NIPAL3: variants seen among roughly 807,000 people sequenced by gnomAD.
NIPAL3 encodes the protein NIPA-like protein 3.
NIPAL3 carries 41 observed loss-of-function variants against 47.2 expected under a neutral mutation model. The observed-to-expected ratio is 0.87, with a 90% CI of 0.68 to 1.13. The LOEUF is 1.13. NIPAL3 is among the 50% of genes most tolerant of loss of function. The pLI is 0.00. For missense variants in NIPAL3, 449 were observed against 530.1 expected (o/e 0.85, Z 1.50); for synonymous variants, 194 against 209.6 (o/e 0.93, Z 0.64).
Position 24,449,664 on chromosome 1 carries a change from G to A in NIPAL3, c.540+38G>A, listed in dbSNP as rs537549952. On this transcript the variant is annotated intron_variant, in intron 6 of 11. Coordinates refer to ENST00000374399, the MANE Select transcript of NIPAL3 (RefSeq NM_020448.5). The surrounding 1 kb of genome is among the most constrained non-coding windows in gnomAD (Gnocchi z 4.5). ...TCCAGTCGTTCCCCCTGAGATGGCAGGAGGGAGATCAAGTCCTAGAAACCA... is the reference window on the plus strand; with the variant it reads ...TCCAGTCGTTCCCCCTGAGATGGCAAGAGGGAGATCAAGTCCTAGAAACCA... The A allele has an allele frequency of 1.3e-6, 2 of 1,593,916 alleles. No homozygotes were observed. Among genetic ancestry groups the A allele is most frequent in the East Asian group, 2.2e-5 (1 of 44,544 alleles).
chr1:24,440,084 G>T, intron 2 of NIPAL3, 88 bp from the exon 3 acceptor site: 1 of 806,010 alleles, frequency 1.2e-6, no homozygotes, highest in Non-Finnish European at 1.9e-6. Context: ...TTTTGTTTTG[G>T]GGCAGCAAAT....
At chr1:24,443,834 T>C (rs891074947) in intron 4 of NIPAL3, among the ~76,000 whole-genome samples, 1 of 152,152 alleles carries the variant, frequency 6.6e-6, no homozygotes, top group African/African-American at 2.4e-5. Flanking sequence ...TTTTCTATAT[T>C]TGTGTTCTGT....
In NIPAL3 at chr1:24,470,253, A is replaced by G. The variant is rs1437530547; in HGVS notation, c.*1068A>G. On this transcript the variant is annotated 3_prime_UTR_variant, in exon 12 of 12. Coordinates refer to ENST00000374399, the MANE Select transcript of NIPAL3 (RefSeq NM_020448.5). ...GGGCTGTTGCTTTCTTCCTGGCCGC[A>G]TATGTGACTGTCTTCCCCTAGACTG... is the stretch of plus-strand genomic sequence containing the variant. 3 of 152,208 alleles carry G rather than the reference A, an allele frequency of 2.0e-5. No homozygotes were observed. The highest frequency in any genetic ancestry group is 2.9e-5 in the Non-Finnish European group (2 of 68,052). The allele number at this position is 152,208 out of a possible 1,614,324, so 9.4% of individuals were successfully genotyped here.
chr1:24,440,052 G>A (rs72652566), intron 2 of NIPAL3, 120 bp from the exon 3 acceptor site: 14 of 577,314 alleles, frequency 2.4e-5, no homozygotes, highest in Non-Finnish European at 3.5e-5. Context: ...GTGTGGCTTT[G>A]TCACTGATAT....
chr1:24,462,992 A>C (rs1646542344), intron 10 of NIPAL3, among the ~76,000 whole-genome samples: 1 of 149,306 alleles, frequency 6.7e-6, no homozygotes, highest in South Asian at 2.1e-4. Context: ...CTAAAATACA[A>C]AATACTAAAA....
chr1:24,437,868 G>C (rs1259538679), intron 2 of NIPAL3, among the ~76,000 whole-genome samples: 1 of 152,130 alleles, frequency 6.6e-6, no homozygotes, highest in African/African-American at 2.4e-5. Flanking sequence ...AGCAAAATCA[G>C]GGTGTCGTTT....
At chr1:24,434,733 GT>G (rs1218788266) in intron 2 of NIPAL3, among the ~76,000 whole-genome samples, 1 of 152,136 alleles carries the variant, frequency 6.6e-6, no homozygotes, top group Non-Finnish European at 1.5e-5. Context: ...TACAAAGTAT[GT>G]TTTCTGATCA....
rs1646860926 is a variant in NIPAL3, at chr1:24,470,323, A to G, written c.*1138A>G. On this transcript the variant is annotated 3_prime_UTR_variant, in exon 12 of 12. Transcript: ENST00000374399. ...GGCGGATAAAGGTTTGCAAACTTTA[A>G]TGGGCATAAGGATCCCCTAGAAGCA... The G allele has an allele frequency of 1.3e-5, 2 of 152,212 alleles. No homozygotes were observed. The highest frequency in any genetic ancestry group is 2.9e-5 in the Non-Finnish European group (2 of 68,040). The allele number at this position is 152,212 out of a possible 1,614,324, so 9.4% of individuals were successfully genotyped here.
chr1:24,419,459 A>G lies in NIPAL3; in HGVS notation c.-89A>G. The G allele has an allele frequency of 6.9e-7, 1 of 1,441,254 alleles. No individual in the cohort carries two copies. Among genetic ancestry groups the G allele is most frequent in the South Asian group, 1.5e-5 (1 of 67,716 alleles). 89.3% of individuals were successfully genotyped at this position (1,441,254 alleles called of 1,614,324 possible). On this transcript the variant is annotated 5_prime_UTR_variant, in exon 2 of 12. Transcript: ENST00000374399. The stretch of plus-strand genomic sequence containing the variant: ...CGGCTGCTGGAGGGAGGTGAACACC[A>G]CAAGGAGAGATGGCATCTGGCCTGG...
chr1:24,443,967 G>C (rs2294523), intron 4 of NIPAL3, among the ~76,000 whole-genome samples: 87,752 of 151,716 alleles, frequency 0.58, 25,678 homozygotes, highest in East Asian at 0.76. Context: ...TAAGTGACTG[G>C]TGCTTTAAAT....
At chr1:24,424,541 C>G (rs1327385974) in intron 2 of NIPAL3, among the ~76,000 whole-genome samples, 3 of 152,180 alleles carry the variant, frequency 2.0e-5, no homozygotes, top group Non-Finnish European at 2.9e-5. Context: ...AAGCCATCTC[C>G]TTTCTCGATT....
At position 24,456,312 on chromosome 1, in the gene NIPAL3, C is replaced by T. The variant is rs562370662; in HGVS notation, c.773+39C>T. 4.0e-5 allele frequency: 64 copies of T among 1,613,356 alleles called. No individual in the cohort carries two copies. In the South Asian group the frequency reaches 4.8e-4, roughly 12 times the overall value. On this transcript the variant is annotated intron_variant, in intron 8 of 11. Transcript: ENST00000374399. The stretch of plus-strand genomic sequence containing the variant: ...CCTTTTCCTGCTGGGCCCTGCCATT[C>T]GGGCTGCTTCTCTTTTGGGGGCCTG...
At chr1:24,438,253 C>A (rs898303234) in intron 2 of NIPAL3, among the ~76,000 whole-genome samples, 1 of 152,184 alleles carries the variant, frequency 6.6e-6, no homozygotes, top group Non-Finnish European at 1.5e-5. Flanking sequence ...TGCTGCTCAT[C>A]GGGTGAGTCA....
intron 8 of NIPAL3, among the ~76,000 whole-genome samples, chr1:24,457,195 T>A (rs1646253957): frequency 6.6e-6 from 1 of 152,298 alleles, no homozygotes; most frequent in East Asian, 1.9e-4. Flanking sequence ...GAAAGAAAAG[T>A]TGTCATTTCT....
At chr1:24,435,921 T>G (rs1405861991) in intron 2 of NIPAL3, among the ~76,000 whole-genome samples, 1 of 152,176 alleles carries the variant, frequency 6.6e-6, no homozygotes, top group Non-Finnish European at 1.5e-5. Context: ...AAGTCCAAGA[T>G]CAAGGCCCCA....
Position 24,449,833 on chromosome 1 carries a change from G to A in NIPAL3, c.540+207G>A, listed in dbSNP as rs1645852839. ...ATATCAAAACTCTACTGGTGGGAGT[G>A]TAAATTGGTACAGCCACTTGGGAAA... On this transcript the variant is annotated intron_variant, in intron 6 of 11. Coordinates refer to ENST00000374399, the MANE Select transcript of NIPAL3 (RefSeq NM_020448.5). This position sits in a 1 kb window ranked among gnomAD's most constrained non-coding sequence, Gnocchi z 4.5. 6.6e-6 allele frequency among the ~76,000 whole-genome samples: 1 copy of A among 152,238 alleles called. No homozygotes were observed. Among genetic ancestry groups the A allele is most frequent in the South Asian group, 2.1e-4 (1 of 4,830 alleles).
intron 2 of NIPAL3, among the ~76,000 whole-genome samples, chr1:24,436,567 C>T (rs1215639847): frequency 6.6e-6 from 1 of 152,016 alleles, no homozygotes; most frequent in African/African-American, 2.4e-5. Flanking sequence ...CGGCTCTCTG[C>T]AACCTCTGCC....
intron 2 of NIPAL3, among the ~76,000 whole-genome samples, chr1:24,433,407 G>A (rs923916579): frequency 1.3e-5 from 2 of 152,150 alleles, no homozygotes; most frequent in African/African-American, 4.8e-5. Context: ...CCTCAGGCCA[G>A]GTGCCATGTG....
Position 24,431,377 on chromosome 1 carries a change from C to A in NIPAL3, c.94-8795C>A, listed in dbSNP as rs146614289. Among the ~76,000 whole-genome samples, 382 of 152,046 alleles carry A rather than the reference C, an allele frequency of 2.5e-3. 1 individual carries two copies. Among genetic ancestry groups the A allele is most frequent in the Non-Finnish European group, 3.9e-3 (263 of 67,996 alleles). ...AGGTGAAATGAGAAAGCGGAACATA[C>A]GAAAAGCTGGCAAAGAACATGGAAG... On this transcript the variant is annotated intron_variant, in intron 2 of 11. Transcript: ENST00000374399.
Sources: gnomAD v4.1 joint callset for allele counts (sites outside exome capture counted in the v4.1 genomes callset) on GRCh38, gnomAD v4.1.1 for gene constraint, Gnocchi (gnomAD v3.1) non-coding constraint, MANE v1.5 for transcripts, NCBI Gene and HGNC (gene_info 2026-07-23, HGNC 2026-07-21) for gene names.